EVI5: variants seen among roughly 807,000 people sequenced by gnomAD.
EVI5 encodes ecotropic viral integration site 5 protein homolog.
EVI5 carries 73 observed loss-of-function variants against 112.0 expected under a neutral mutation model. The ratio of observed to expected loss-of-function variants is 0.65; its 90% CI spans 0.54 to 0.79. The LOEUF (loss-of-function observed/expected upper bound fraction) is 0.79, where lower values mean the gene tolerates loss of function less well. EVI5 is among the 30% of genes least tolerant of loss of function. The probability of loss-of-function intolerance (pLI) is 0.00; values close to 1 mark genes in which losing one functional copy is unlikely to be tolerated. For missense variants in EVI5, 900 were observed against 968.8 expected (o/e 0.93, Z 0.94); for synonymous variants, 305 against 319.9 (o/e 0.95, Z 0.50).
chr1:92,583,927 A>G (rs1417244896), intron 18 of EVI5, among the ~76,000 whole-genome samples: 2 of 152,306 alleles, frequency 1.3e-5, no homozygotes, highest in East Asian at 1.9e-4. Context: ...GAAGTAACAG[A>G]AACAATTAGT....
intron 2 of EVI5, among the ~76,000 whole-genome samples, chr1:92,727,781 T>G (rs1675799678): frequency 6.6e-6 from 1 of 152,004 alleles, no homozygotes; most frequent in African/African-American, 2.4e-5. Flanking sequence ...TTTAGGAGGC[T>G]GAGGTGAGAG....
intron 16 of EVI5, among the ~76,000 whole-genome samples, chr1:92,608,024 A>G (rs6668381): frequency 0.92 from 139,505 of 151,506 alleles, 64,309 homozygotes; most frequent in East Asian, 0.97. Context: ...GGTGGCGGGC[A>G]CCTGTAGTCC....
In EVI5 at chr1:92,579,347, G is replaced by C. The variant is rs574888430; in HGVS notation, c.2071-15610C>G. Among the ~76,000 whole-genome samples the C allele has an allele frequency of 1.7e-3, 266 of 152,238 alleles. 1 individual carries two copies. Among genetic ancestry groups the C allele is most frequent in the African/African-American group, 5.8e-3 (243 of 41,546 alleles). ...CTATTAGTGTATTCAAATTTAATAA[G>C]AGAGCCAATGGAAGGAGGCCAGTGT... is the stretch of plus-strand genomic sequence containing the variant. On this transcript the variant is annotated intron_variant, in intron 18 of 19. Transcript: ENST00000684568.
intron 6 of EVI5, among the ~76,000 whole-genome samples, chr1:92,696,971 C>T (rs1039482092): frequency 3.9e-5 from 6 of 152,066 alleles, no homozygotes; most frequent in Admixed American, 1.3e-4. Flanking sequence ...ACCCAGGAGG[C>T]GGAGCTTGCA....
chr1:92,594,776 C>G (rs1270092644), intron 18 of EVI5, among the ~76,000 whole-genome samples: 1 of 149,896 alleles, frequency 6.7e-6, no homozygotes, highest in Non-Finnish European at 1.5e-5. Flanking sequence ...AGACACTTCT[C>G]AAAAGAAGAC....
chr1:92,688,953 T>C (rs1669026223), intron 9 of EVI5, among the ~76,000 whole-genome samples: 2 of 152,134 alleles, frequency 1.3e-5, no homozygotes, highest in South Asian at 4.1e-4. Context: ...TATCTTTTAA[T>C]GCTGACAAAA....
intron 10 of EVI5, among the ~76,000 whole-genome samples, chr1:92,671,931 T>C (rs1032643426): frequency 4.6e-5 from 7 of 151,300 alleles, no homozygotes; most frequent in African/African-American, 1.2e-4. Flanking sequence ...GCCTCCTGAG[T>C]AGCTAGGACT....
At chr1:92,583,917 G>A (rs1672372324) in intron 18 of EVI5, among the ~76,000 whole-genome samples, 1 of 152,036 alleles carries the variant, frequency 6.6e-6, no homozygotes, top group Non-Finnish European at 1.5e-5. Context: ...ACCTCTAAAG[G>A]AAGTAACAGA....
In EVI5 at chr1:92,564,682, ATTT is replaced by A. The variant is rs11313353; in HGVS notation, c.2071-948_2071-946del. Among the ~76,000 whole-genome samples the A allele has an allele frequency of 7.0e-4, 89 of 126,326 alleles. 2 individuals carry two copies. The highest frequency in any genetic ancestry group is 8.5e-3 in the Middle Eastern group (2 of 236). 82.9% of individuals were successfully genotyped at this position (126,326 alleles called of 152,430 possible). ...AACATAAATTATTTTTCAGATAAAG[ATTT>A]TTTTTTTTTTTTTTGAGATGGACTC... is the stretch of plus-strand genomic sequence containing the variant. On this transcript the variant is annotated intron_variant, in intron 18 of 19. Coordinates refer to ENST00000684568, the MANE Select transcript of EVI5 (RefSeq NM_001350197.2).
At chr1:92,611,471 G>A (rs376098283) in intron 16 of EVI5, among the ~76,000 whole-genome samples, 32 of 151,758 alleles carry the variant, frequency 2.1e-4, no homozygotes, top group East Asian at 1.2e-3. Flanking sequence ...GGCCAAGGCA[G>A]GCGGATCACA....
Position 92,703,429 on chromosome 1 carries a change from C to T in EVI5, c.530G>A (p.Ser177Asn), listed in dbSNP as rs1276655903. Residue 177 changes from serine to asparagine, a missense_variant, in exon 4 of 20, where the codon AGC becomes AAC. By Grantham distance (46) the Ser-to-Asn change is conservative (BLOSUM62 1). Coordinates refer to ENST00000684568, the MANE Select transcript of EVI5 (RefSeq NM_001350197.2). ...PEHNFFKEKDSLGQEVLFNVM... is the reference protein window; with the variant it reads ...PEHNFFKEKDNLGQEVLFNVM... ...ATTAAATAAAACCTCCTGTCCAAGG[C>T]TATCTTTTTCCTTAAAAAAGTTGTG... 29 of 1,583,224 alleles carry T rather than the reference C, an allele frequency of 1.8e-5. No homozygotes were observed. Among genetic ancestry groups the T allele is most frequent in the Non-Finnish European group, 2.3e-5 (27 of 1,170,746 alleles).
intron 2 of EVI5, 137 bp downstream of exon 2, chr1:92,736,261 C>A (rs1370024655): frequency 3.3e-6 from 2 of 611,016 alleles, no homozygotes; most frequent in East Asian, 2.8e-5. Flanking sequence ...AATCTCCCCC[C>A]AAAAAAGATG....
intron 19 of EVI5, among the ~76,000 whole-genome samples, chr1:92,547,569 G>A (rs1665970771): frequency 6.6e-6 from 1 of 151,996 alleles, no homozygotes; most frequent in South Asian, 2.1e-4. Flanking sequence ...AGCTGTTTTT[G>A]AAAGGATCAA....
At chr1:92,620,121 G>A (rs764859208) in intron 16 of EVI5, among the ~76,000 whole-genome samples, 7 of 152,166 alleles carry the variant, frequency 4.6e-5, no homozygotes, top group Non-Finnish European at 2.9e-5. Flanking sequence ...GAGACGGGCG[G>A]ATCACCTGAA....
intron 1 of EVI5, among the ~76,000 whole-genome samples, chr1:92,766,061 C>A (rs1682582232): frequency 6.7e-6 from 1 of 149,942 alleles, no homozygotes; most frequent in Admixed American, 6.7e-5. Flanking sequence ...TCATGCCACT[C>A]CACTCCAGGC....
chr1:92,791,712 T>C (rs1371154176), intron 1 of EVI5, among the ~76,000 whole-genome samples: 1 of 151,622 alleles, frequency 6.6e-6, no homozygotes, highest in Non-Finnish European at 1.5e-5. Context: ...GTACAAACAT[T>C]AGCTAATGTT....
At chr1:92,604,043 A>AC (rs1046797237) in intron 18 of EVI5, among the ~76,000 whole-genome samples, 1 of 151,950 alleles carries the variant, frequency 6.6e-6, no homozygotes, top group Non-Finnish European at 1.5e-5. Context: ...TGAACAAAAA[A>AC]TTTTTTAAGT....
At chr1:92,591,558 C>G (rs1335572711) in intron 18 of EVI5, among the ~76,000 whole-genome samples, 1 of 152,152 alleles carries the variant, frequency 6.6e-6, no homozygotes, top group Non-Finnish European at 1.5e-5. Context: ...ACAAGAAGAC[C>G]TAACCATCCT....
chr1:92,612,746 G>T (rs1571885614), intron 16 of EVI5, among the ~76,000 whole-genome samples: 1 of 138,738 alleles, frequency 7.2e-6, no homozygotes, highest in Non-Finnish European at 1.5e-5. Flanking sequence ...AAAAAAGCCA[G>T]CCAAACTAAG....
Sources: gnomAD v4.1 joint callset for allele counts (sites outside exome capture counted in the v4.1 genomes callset) on GRCh38, gnomAD v4.1.1 for gene constraint, MANE v1.5 for transcripts, NCBI Gene and HGNC (gene_info 2026-07-23, HGNC 2026-07-21) for gene names.